Variants in FHIT observed in about 807,000 individuals in gnomAD.
The protein encoded by FHIT is bis(5'-adenosyl)-triphosphatase.
A neutral mutation model predicts 17.9 loss-of-function variants in FHIT; 19 were observed. That is an observed-to-expected ratio of 1.06 (90% CI 0.74 to 1.56). The LOEUF (loss-of-function observed/expected upper bound fraction) is 1.56. Among genes scored for constraint, FHIT ranks in the 40% most tolerant of loss-of-function variants. FHIT has a pLI of 0.00. For synonymous variants in FHIT, 81 were observed against 69.7 expected, an observed-to-expected ratio of 1.16 and a Z score of -0.81; for missense variants, 248 against 189.2, an observed-to-expected ratio of 1.31 and a Z score of -1.82.
intron 5 of FHIT, among the ~76,000 whole-genome samples, chr3:60,311,148 G>A (rs1225309037): frequency 6.6e-6 from 1 of 152,004 alleles, no homozygotes; most frequent in Non-Finnish European, 1.5e-5. Context: ...ATCTTATTTA[G>A]TGTTCCTAAC....
chr3:60,294,769 T>C (rs1440929689), intron 5 of FHIT, among the ~76,000 whole-genome samples: 3 of 152,138 alleles, frequency 2.0e-5, no homozygotes, highest in Non-Finnish European at 4.4e-5. Context: ...TTTAAGGATG[T>C]TATATAAATG....
intron 5 of FHIT, among the ~76,000 whole-genome samples, chr3:60,108,720 A>G (rs947307412): frequency 4.0e-5 from 6 of 150,972 alleles, no homozygotes; most frequent in Admixed American, 6.6e-5. Context: ...CAGGAGTCCA[A>G]TGGCTTGACC....
At chr3:60,155,852 C>G (rs1700665370) in intron 5 of FHIT, among the ~76,000 whole-genome samples, 1 of 152,168 alleles carries the variant, frequency 6.6e-6, no homozygotes, top group Admixed American at 6.5e-5. Flanking sequence ...AACCGTCACC[C>G]AAGTAAAGTC....
At chr3:60,233,805 G>T (rs535012654) in intron 5 of FHIT, among the ~76,000 whole-genome samples, 1 of 152,208 alleles carries the variant, frequency 6.6e-6, no homozygotes, top group Non-Finnish European at 1.5e-5. Flanking sequence ...CACAGGATCT[G>T]ATGGTTTTAT....
chr3:60,752,721 T>C (rs781907109), intron 4 of FHIT, among the ~76,000 whole-genome samples: 8 of 152,316 alleles, frequency 5.3e-5, no homozygotes, highest in East Asian at 1.9e-4. Context: ...CTATAAAATA[T>C]GTTTCTCAAA....
intron 5 of FHIT, among the ~76,000 whole-genome samples, chr3:60,452,218 C>T (rs949407374): frequency 6.6e-6 from 1 of 152,162 alleles, no homozygotes; most frequent in African/African-American, 2.4e-5. Flanking sequence ...AGCAGCCACA[C>T]TCAATAATAA....
At position 60,558,731 on chromosome 3, in the gene FHIT, T is replaced by A. The variant is rs148428662; in HGVS notation, c.-17-21752A>T. On this transcript the variant is annotated intron_variant, in intron 4 of 9. Coordinates refer to ENST00000492590, the MANE Select transcript of FHIT (RefSeq NM_002012.4). ...ATCTTCCTCCTGCACTGTAGGCAGA[T>A]GTCGCTAATTAACTATGACATGTTC... Among the ~76,000 whole-genome samples the A allele has an allele frequency of 5.2e-3, 795 of 152,274 alleles. 4 individuals carry two copies. Among genetic ancestry groups the A allele is most frequent in the Middle Eastern group, 0.024 (7 of 294 alleles).
intron 1 of FHIT, among the ~76,000 whole-genome samples, chr3:61,205,683 A>G (rs2039204181): frequency 6.6e-6 from 1 of 151,866 alleles, no homozygotes; most frequent in Admixed American, 6.6e-5. Flanking sequence ...TTGTCTTGTA[A>G]ATTTATTTGA....
intron 5 of FHIT, among the ~76,000 whole-genome samples, chr3:60,467,879 T>C (rs1451499923): frequency 6.6e-6 from 1 of 152,106 alleles, no homozygotes; most frequent in South Asian, 2.1e-4. Context: ...TCTGTCTGGA[T>C]GATATTTCCA....
At chr3:60,454,565 T>C (rs548931546) in intron 5 of FHIT, among the ~76,000 whole-genome samples, 1 of 151,992 alleles carries the variant, frequency 6.6e-6, no homozygotes, top group South Asian at 2.1e-4. Context: ...TTGGTATTTT[T>C]AGTAGAGATG....
chr3:60,345,622 A>T (rs1418977888), intron 5 of FHIT, among the ~76,000 whole-genome samples: 3 of 152,214 alleles, frequency 2.0e-5, no homozygotes, highest in African/African-American at 7.2e-5. Flanking sequence ...TTCCATTGTC[A>T]AAATCATGAA....
At chr3:60,500,746 C>A (rs543129413) in intron 5 of FHIT, among the ~76,000 whole-genome samples, 32 of 134,630 alleles carry the variant, frequency 2.4e-4, no homozygotes, top group African/African-American at 8.8e-4. Flanking sequence ...GCACTCCAGC[C>A]TGGGTGACAG....
chr3:59,842,228 T>G (rs920379210), intron 8 of FHIT, among the ~76,000 whole-genome samples: 13 of 152,314 alleles, frequency 8.5e-5, no homozygotes, highest in African/African-American at 2.6e-4. Context: ...ATCATAGCAC[T>G]TATCAGGATT....
At chr3:60,926,293 T>C (rs7611169) in intron 3 of FHIT, among the ~76,000 whole-genome samples, 2,877 of 152,024 alleles carry the variant, frequency 0.019, 42 homozygotes, top group Non-Finnish European at 0.03. Flanking sequence ...CAAAATTGAC[T>C]ACATAGTTGG....
At chr3:60,190,997 C>T (rs1039544831) in intron 5 of FHIT, among the ~76,000 whole-genome samples, 4 of 151,794 alleles carry the variant, frequency 2.6e-5, no homozygotes, top group Admixed American at 6.6e-5. Context: ...GACTGGGAGG[C>T]CCTGGGAAGC....
At chr3:60,732,228 G>A (rs782486282) in intron 4 of FHIT, 12 of 835,998 alleles carry the variant, frequency 1.4e-5, no homozygotes, top group East Asian at 9.8e-5. Context: ...TGGCCTCCAT[G>A]ATATTCATGC....
At chr3:60,871,766 T>C (rs1704426833) in intron 3 of FHIT, among the ~76,000 whole-genome samples, 1 of 152,124 alleles carries the variant, frequency 6.6e-6, no homozygotes. Context: ...CCTGAGTAGC[T>C]AGAACTATAG....
At chr3:59,876,601 G>C (rs768804550) in intron 8 of FHIT, among the ~76,000 whole-genome samples, 28 of 152,160 alleles carry the variant, frequency 1.8e-4, no homozygotes, top group Non-Finnish European at 3.4e-4. Context: ...CCTTTGGTGG[G>C]AGATAAGCCC....
intron 8 of FHIT, among the ~76,000 whole-genome samples, chr3:59,796,453 G>A (rs942354166): frequency 1.3e-5 from 2 of 152,014 alleles, no homozygotes; most frequent in Non-Finnish European, 1.5e-5. Context: ...GTCTCTCCTC[G>A]AATGTCAGTC....
Sources: gnomAD v4.1 joint callset for allele counts (sites outside exome capture counted in the v4.1 genomes callset) on GRCh38, gnomAD v4.1.1 for gene constraint, MANE v1.5 for transcripts, NCBI Gene and HGNC (gene_info 2026-07-23, HGNC 2026-07-21) for gene names.